Variants in LARS1 observed in about 807,000 individuals in gnomAD.
LARS1 encodes the protein leucyl-tRNA synthetase 1.
LARS1 carries 100 observed loss-of-function variants against 162.8 expected under a neutral mutation model. That is an observed-to-expected ratio of 0.61 (90% CI 0.52 to 0.73). The LOEUF (loss-of-function observed/expected upper bound fraction) is 0.73, where lower values mean the gene tolerates loss of function less well. Among genes scored for constraint, LARS1 ranks in the 30% least tolerant of loss-of-function variants. The probability of loss-of-function intolerance (pLI) is 0.00; values close to 1 mark genes in which losing one functional copy is unlikely to be tolerated. For synonymous variants in LARS1, 457 were observed against 462.8 expected (o/e 0.99, Z 0.16); for missense variants, 1,258 against 1,408.9 (o/e 0.89, Z 1.71).
chr5:146,137,722 G>A (rs975260154), intron 21 of LARS1: 1 of 235,022 alleles, frequency 4.3e-6, no homozygotes, highest in South Asian at 4.8e-5. Context: ...ATCCTATGGA[G>A]GCCTGCTGGG....
chr5:146,130,852 T>C, intron 24 of LARS1, 167 bp downstream of exon 24: 1 of 461,494 alleles, frequency 2.2e-6, no homozygotes, highest in East Asian at 3.4e-5. Context: ...ATACCAAAGA[T>C]AATAACTTAA....
intron 10 of LARS1, among the ~76,000 whole-genome samples, chr5:146,154,556 T>C (rs955783609): frequency 1.3e-5 from 2 of 152,176 alleles, no homozygotes; most frequent in Non-Finnish European, 2.9e-5. Context: ...GGCAGGCAGA[T>C]TGCCTGAGCT....
At chr5:146,136,994 C>A (rs563389698) in intron 21 of LARS1, among the ~76,000 whole-genome samples, 1 of 151,952 alleles carries the variant, frequency 6.6e-6, no homozygotes, top group African/African-American at 2.4e-5. Flanking sequence ...CTCTGCCTCT[C>A]GGGTTCAAGC....
At chr5:146,167,396 C>T (rs994439169) in intron 5 of LARS1, among the ~76,000 whole-genome samples, 3 of 151,824 alleles carry the variant, frequency 2.0e-5, no homozygotes, top group African/African-American at 4.8e-5. Flanking sequence ...ATAGGAAAGT[C>T]AGAAAGATAA....
rs772760713 is a variant in LARS1 at position 146,177,647 on chromosome 5, T to C, written c.25A>G (p.Lys9Glu). 6.3e-7 allele frequency: 1 copy of C among 1,593,912 alleles called. No individual in the cohort carries two copies. ...TCAATCTTCTTCAAAAAGTCCACTT[T>C]GGCTGTTCCTTTTCTTTCCTATTGG... MAERKGTA[K>E]VDFLKKIEKE... is the part of the protein sequence containing the mutation. Residue 9 changes from lysine (K) to glutamate (E), a missense_variant, in exon 2 of 32, where the codon AAA (lysine) becomes GAA (glutamate). Physicochemically the swap from Lys to Glu is moderately conservative, Grantham distance 56. Transcript: ENST00000394434.
At position 146,131,120 on chromosome 5, in the gene LARS1, C is replaced by T. The variant is rs777146277; in HGVS notation, c.2397-11G>A. 21 of 1,412,500 alleles carry T rather than the reference C, an allele frequency of 1.5e-5. No homozygotes were observed. Among genetic ancestry groups the T allele is most frequent in the South Asian group, 3.8e-5 (3 of 78,520 alleles). 87.5% of individuals were successfully genotyped at this position (1,412,500 alleles called of 1,614,324 possible). ...CCTGCATTCAATTCACTATTGAATA[C>T]GGGGAAAAAAAGGTTATTGAGTTTA... On this transcript the variant is annotated splice_polypyrimidine_tract_variant and intron_variant, in intron 23 of 31. Coordinates refer to ENST00000394434, the MANE Select transcript of LARS1 (RefSeq NM_020117.11).
At position 146,144,593 on chromosome 5, in the gene LARS1, T is replaced by G. The variant is rs191719666; in HGVS notation, c.1589+31A>C. The stretch of plus-strand genomic sequence containing the variant: ...TTAAGTCAAAGGTGAGCAAATTGAC[T>G]AGGGGAATTTTCTTGCTATAAGAGA... On this transcript the variant is annotated intron_variant, in intron 16 of 31. Transcript: ENST00000394434. 1.1e-5 allele frequency: 18 copies of G among 1,612,708 alleles called. No homozygotes were observed. The Admixed American group carries it at 2.0e-4, about 18-fold the overall frequency.
intron 1 of LARS1, among the ~76,000 whole-genome samples, chr5:146,181,662 A>C (rs1180391885): frequency 6.6e-6 from 1 of 151,758 alleles, no homozygotes. Context: ...AAATTTAAAA[A>C]AATTTTTAAA....
At chr5:146,128,576 C>G in intron 27 of LARS1, 96 bp downstream of exon 27, 2 of 704,760 alleles carry the variant, frequency 2.8e-6, no homozygotes, top group Non-Finnish European at 4.5e-6. Context: ...AGCTGCCTAT[C>G]TTTCTTCTCC....
chr5:146,170,720 C>T lies in LARS1; in HGVS notation c.294+1190G>A, dbSNP rs114125495. ...GAAAAAGAGAGAGAGAAGGGCTAGG[C>T]GTGGTGGCTCATGCCTGTAATCCCA... is the stretch of plus-strand genomic sequence containing the variant. On this transcript the variant is annotated intron_variant, in intron 4 of 31. Coordinates refer to ENST00000394434, the MANE Select transcript of LARS1 (RefSeq NM_020117.11). Among the ~76,000 whole-genome samples the T allele has an allele frequency of 6.9e-3, 1,043 of 151,992 alleles. 14 individuals are homozygous for T. Among genetic ancestry groups the T allele is most frequent in the African/African-American group, 0.024 (993 of 41,464 alleles).
intron 22 of LARS1, among the ~76,000 whole-genome samples, chr5:146,133,717 G>T (rs1304174128): frequency 6.7e-6 from 1 of 149,626 alleles, no homozygotes; most frequent in African/African-American, 2.5e-5. Flanking sequence ...AAAAAAGAGG[G>T]AACTCATTAT....
chr5:146,177,092 T>C (rs554880296), intron 2 of LARS1, among the ~76,000 whole-genome samples: 1 of 152,160 alleles, frequency 6.6e-6, no homozygotes, highest in Non-Finnish European at 1.5e-5. Context: ...TCCTTCACCC[T>C]GTTTCAGGCA....
intron 6 of LARS1, among the ~76,000 whole-genome samples, chr5:146,163,520 T>C (rs1753867784): frequency 1.3e-5 from 2 of 152,022 alleles, no homozygotes; most frequent in South Asian, 4.1e-4. Context: ...ACCTCGTCTC[T>C]ACTAAAAATA....
chr5:146,158,952 T>A (rs2962508), intron 8 of LARS1, among the ~76,000 whole-genome samples: 1 of 151,500 alleles, frequency 6.6e-6, no homozygotes, highest in South Asian at 2.1e-4. Flanking sequence ...AAAAATTAGC[T>A]GGGTGTGGTG....
At position 146,131,084 on chromosome 5, in the gene LARS1, T is replaced by C; in HGVS notation, c.2422A>G (p.Thr808Ala). Residue 808 changes from threonine (T) to alanine (A), a missense_variant, in exon 24 of 32, where the codon ACA becomes GCA. Transcript: ENST00000394434. ...ATCATCTTTTCATAGTTTTGATCTG[T>C]TTTTATAATTCCTGCATTCAATTCA... is the stretch of plus-strand genomic sequence containing the variant. ...ASELNAGIIK[T>A]DQNYEKMMFK... The C allele has an allele frequency of 1.9e-6, 3 of 1,584,480 alleles. No homozygotes were observed. The highest frequency in any genetic ancestry group is 1.7e-6 in the Non-Finnish European group (2 of 1,160,638).
intron 31 of LARS1, among the ~76,000 whole-genome samples, chr5:146,117,747 T>G (rs891210133): frequency 6.6e-6 from 1 of 151,890 alleles, no homozygotes; most frequent in East Asian, 1.9e-4. Flanking sequence ...TGGTACCTAG[T>G]TCACTGAGAG....
chr5:146,114,056 G>A lies in LARS1; in HGVS notation c.*50C>T. On this transcript the variant is annotated 3_prime_UTR_variant, in exon 32 of 32. Coordinates refer to ENST00000394434, the MANE Select transcript of LARS1 (RefSeq NM_020117.11). ...GATAGCCAATCAGTAGACACAATCAGAGTAGTAGTATTCCTAAGAAACCAG... is the reference window on the plus strand; with the variant it reads ...GATAGCCAATCAGTAGACACAATCAAAGTAGTAGTATTCCTAAGAAACCAG... 2.2e-6 allele frequency: 3 copies of A among 1,382,512 alleles called. No homozygotes were observed. The allele number at this position is 1,382,512 out of a possible 1,614,324, so 85.6% of individuals were successfully genotyped here.
At chr5:146,144,786 A>T (rs566565900) in intron 15 of LARS1, 77 bp from the exon 16 acceptor site, 3 of 1,302,264 alleles carry the variant, frequency 2.3e-6, no homozygotes, top group African/African-American at 2.9e-5. Context: ...AAATTACTTT[A>T]AAAAAATGCT....
At chr5:146,143,323 T>C in intron 19 of LARS1, 89 bp downstream of exon 19, 1 of 1,481,776 alleles carries the variant, frequency 6.7e-7, no homozygotes, top group Non-Finnish European at 9.1e-7. Context: ...TTCTGTGAAA[T>C]AAATCTTATT....
Sources: allele counts gnomAD v4.1 joint callset (sites outside exome capture counted in the v4.1 genomes callset), GRCh38; gene constraint gnomAD v4.1.1; transcripts MANE v1.5; gene names NCBI Gene and HGNC (gene_info 2026-07-23, HGNC 2026-07-21).